Variants in PHAX observed in about 807,000 individuals in gnomAD.
PHAX encodes the protein phosphorylated adaptor for RNA export.
PHAX carries 31 observed loss-of-function variants against 41.6 expected under a neutral mutation model. The observed-to-expected ratio is 0.75, with a 90% CI of 0.56 to 1.01. The LOEUF is 1.01. PHAX is among the 50% of genes least tolerant of loss of function. The pLI is 0.00. For synonymous variants in PHAX, 175 were observed against 164.9 expected (o/e 1.06, Z -0.47); for missense variants, 453 against 472.9 (o/e 0.96, Z 0.39).
rs778993824 is a variant in PHAX at position 126,617,319 on chromosome 5, G to A, written c.901G>A (p.Glu301Lys). The change falls in exon 4 of 5, where the codon GAG becomes AAG. Residue 301 changes from glutamate (E) to lysine (K), a missense_variant. Glu to Lys is a moderately conservative substitution (Grantham distance 56, BLOSUM62 1). Transcript: ENST00000297540. ...CTTGAAAAACACTCCTAGTATCAGC[G>A]AGGAACAAATTAAGGTAATGATAAT... ...NLLKNTPSIS[E>K]EQIKDIFYIE... 16 of 1,604,276 alleles carry A rather than the reference G, an allele frequency of 1.0e-5. No individual in the cohort carries two copies. The highest frequency in any genetic ancestry group is 1.1e-5 in the Non-Finnish European group (13 of 1,172,128).
chr5:126,614,060 GCCTA>G (rs1752147855), intron 3 of PHAX, among the ~76,000 whole-genome samples: 1 of 151,302 alleles, frequency 6.6e-6, no homozygotes, highest in Non-Finnish European at 1.5e-5. Context: ...ATTGTACCCC[GCCTA>G]TTTTTTCTTT....
At chr5:126,606,742 C>T (rs1263349609) in intron 2 of PHAX, among the ~76,000 whole-genome samples, 1 of 152,122 alleles carries the variant, frequency 6.6e-6, no homozygotes, top group African/African-American at 2.4e-5. Flanking sequence ...ACCTCCGCCT[C>T]CTGGGTTCAA....
intron 4 of PHAX, among the ~76,000 whole-genome samples, 189 bp downstream of exon 4, chr5:126,617,522 A>G (rs1226005046): frequency 6.6e-6 from 1 of 152,128 alleles, no homozygotes; most frequent in African/African-American, 2.4e-5. Context: ...TCTGTCACCC[A>G]GGCTGGAGTG....
chr5:126,623,061 G>A (rs1212167040), intron 4 of PHAX, among the ~76,000 whole-genome samples: 1 of 151,938 alleles, frequency 6.6e-6, no homozygotes, highest in Non-Finnish European at 1.5e-5. Flanking sequence ...TGGAAATGGA[G>A]ATTGCAGTGA....
chr5:126,608,892 G>A (rs1037825851), intron 3 of PHAX, among the ~76,000 whole-genome samples: 1 of 149,826 alleles, frequency 6.7e-6, no homozygotes, highest in Non-Finnish European at 1.5e-5. Context: ...AGCTGAGATC[G>A]CACCCTTGCA....
At position 126,601,122 on chromosome 5, in the gene PHAX, C is replaced by T; in HGVS notation, c.96+64C>T. The T allele has an allele frequency of 3.3e-6, 4 of 1,226,154 alleles. No homozygotes were observed. In the South Asian group the frequency reaches 5.1e-5, roughly 16 times the overall value. 76.0% of individuals were successfully genotyped at this position (1,226,154 alleles called of 1,614,324 possible). On this transcript the variant is annotated intron_variant, in intron 1 of 4. Transcript: ENST00000297540. Reference sequence around the variant, plus strand: ...CGCGGAGCCTGGGCCCCGGGGAGCGCGCAGGCAGCGGTGAGGGTGAGGGGT... The same window carrying T: ...CGCGGAGCCTGGGCCCCGGGGAGCGTGCAGGCAGCGGTGAGGGTGAGGGGT...
chr5:126,610,255 G>A (rs536823066), intron 3 of PHAX, among the ~76,000 whole-genome samples: 44 of 152,334 alleles, frequency 2.9e-4, no homozygotes, highest in African/African-American at 1.0e-3. Context: ...CAGATCACGA[G>A]CACTGGCGGT....
intron 3 of PHAX, among the ~76,000 whole-genome samples, chr5:126,613,748 G>T (rs1386113275): frequency 1.3e-5 from 2 of 151,130 alleles, no homozygotes; most frequent in Admixed American, 6.6e-5. Flanking sequence ...ATCATGGGTG[G>T]TTTTTTTCTT....
At chr5:126,621,328 G>A (rs7734012) in intron 4 of PHAX, among the ~76,000 whole-genome samples, 41,186 of 151,910 alleles carry the variant, frequency 0.27, 7,111 homozygotes, top group African/African-American at 0.48. Flanking sequence ...AGCTGGGACT[G>A]TAGGGCACAT....
At position 126,611,046 on chromosome 5, in the gene PHAX, TCGTTTGTTTG is replaced by T. The variant is rs1414365144; in HGVS notation, c.831+2563_831+2572del. Among the ~76,000 whole-genome samples, 78 of 137,080 alleles carry T rather than the reference TCGTTTGTTTG, an allele frequency of 5.7e-4. 1 individual carries two copies. Among genetic ancestry groups the T allele is most frequent in the East Asian group, 4.9e-3 (22 of 4,450 alleles). The allele number at this position is 137,080 out of a possible 152,430, so 89.9% of individuals were successfully genotyped here. Reference sequence around the variant, plus strand: ...CTTTTTTTTTTTGTTTTTTTTCTTTTCGTTTGTTTGTTTGTTTGTTTGTTTTGAGATGTAG... The same window carrying T: ...CTTTTTTTTTTTGTTTTTTTTCTTTTTTTGTTTGTTTGTTTTGAGATGTAG... On this transcript the variant is annotated intron_variant, in intron 3 of 4. Transcript: ENST00000297540.
chr5:126,624,615 A>C lies in PHAX; in HGVS notation c.956A>C (p.Lys319Thr), dbSNP rs866669416. 1.2e-6 allele frequency: 2 copies of C among 1,603,284 alleles called. No individual in the cohort carries two copies. The highest frequency in any genetic ancestry group is 3.3e-4 in the Middle Eastern group (2 of 5,990). The stretch of plus-strand genomic sequence containing the variant: ...GAAAACCAAAAGGAATATGAAAATA[A>C]AAAAGCTGCTAGGAAGAGGAGAACA... ...YIENQKEYEN[K>T]KAARKRRTQV... The change falls in exon 5 of 5, where the codon AAA becomes ACA. Residue 319 changes from lysine (K) to threonine (T), a missense_variant. Transcript: ENST00000297540.
At chr5:126,612,299 C>A (rs948555593) in intron 3 of PHAX, among the ~76,000 whole-genome samples, 2 of 152,138 alleles carry the variant, frequency 1.3e-5, no homozygotes, top group Non-Finnish European at 2.9e-5. Flanking sequence ...GATATAAGGT[C>A]AGAGAGATAA....
chr5:126,608,512 T>C, intron 3 of PHAX, 28 bp downstream of exon 3: 2 of 1,572,712 alleles, frequency 1.3e-6, no homozygotes, highest in East Asian at 2.3e-5. Context: ...TTTTTGTTTT[T>C]GTATTGTTTA....
At chr5:126,606,342 T>C (rs1011003439) in intron 2 of PHAX, among the ~76,000 whole-genome samples, 1 of 151,942 alleles carries the variant, frequency 6.6e-6, no homozygotes, top group Admixed American at 6.6e-5. Flanking sequence ...ATTACAGCCA[T>C]GTGCTACAAC....
Position 126,603,977 on chromosome 5 carries a change from A to G in PHAX, c.504A>G (p.Thr168=). The G allele has an allele frequency of 1.2e-6, 2 of 1,614,150 alleles. No homozygotes were observed. The highest frequency in any genetic ancestry group is 1.7e-6 in the Non-Finnish European group (2 of 1,180,028). Residue 168 remains threonine, a synonymous_variant, in exon 2 of 5, where the codon ACA becomes ACG. Coordinates refer to ENST00000297540, the MANE Select transcript of PHAX (RefSeq NM_032177.4). ...KKLRKESQEH[T]KDLDKELDEY... ...TTAGGAAGGAATCTCAAGAGCATAC[A>G]AAAGATCTAGACAAGGAACTAGATG...
Position 126,626,250 on chromosome 5 carries a change from G to A in PHAX, c.*1406G>A, listed in dbSNP as rs1752347486. On this transcript the variant is annotated 3_prime_UTR_variant, in exon 5 of 5. Coordinates refer to ENST00000297540, the MANE Select transcript of PHAX (RefSeq NM_032177.4). ...AGAAAAAGAAAAAAACATTCCCAGT[G>A]GCAGCCTGCCTAAGACTGTCTTACC... is the stretch of plus-strand genomic sequence containing the variant. 6.6e-6 allele frequency: 1 copy of A among 152,066 alleles called. No individual in the cohort carries two copies. The highest frequency in any genetic ancestry group is 1.9e-4 in the East Asian group (1 of 5,180). The allele number at this position is 152,066 out of a possible 1,614,324, so 9.4% of individuals were successfully genotyped here.
chr5:126,612,904 A>G (rs1490662133), intron 3 of PHAX, among the ~76,000 whole-genome samples: 1 of 152,190 alleles, frequency 6.6e-6, no homozygotes, highest in Non-Finnish European at 1.5e-5. Context: ...TGGAGGATGT[A>G]AGAAAAGGAA....
Position 126,600,995 on chromosome 5 carries a change from G to C in PHAX, c.33G>C (p.Gly11=). MALEVGDMED[G]QLSDSDSDMT... ...TGGAGGTCGGCGATATGGAAGATGGGCAGCTTTCCGACTCGGATTCCGACA... is the reference window on the plus strand; with the variant it reads ...TGGAGGTCGGCGATATGGAAGATGGCCAGCTTTCCGACTCGGATTCCGACA... Residue 11 remains glycine (G), a synonymous_variant, in exon 1 of 5, where the codon GGG becomes GGC. Transcript: ENST00000297540. 3 of 1,604,654 alleles carry C rather than the reference G, an allele frequency of 1.9e-6. No homozygotes were observed. Among genetic ancestry groups the C allele is most frequent in the Non-Finnish European group, 2.6e-6 (3 of 1,175,744 alleles).
At chr5:126,602,066 C>G (rs950891054) in intron 1 of PHAX, among the ~76,000 whole-genome samples, 1 of 152,242 alleles carries the variant, frequency 6.6e-6, no homozygotes, top group Non-Finnish European at 1.5e-5. Flanking sequence ...CCGCCTCGGC[C>G]TCCCAAAGTG....
Sources: allele counts gnomAD v4.1 joint callset (sites outside exome capture counted in the v4.1 genomes callset), GRCh38; gene constraint gnomAD v4.1.1; transcripts MANE v1.5; gene names NCBI Gene and HGNC (gene_info 2026-07-23, HGNC 2026-07-21).